Variants in MACROD1 observed in about 807,000 individuals in gnomAD.
MACROD1 encodes ADP-ribose glycohydrolase MACROD1.
In MACROD1, 31 loss-of-function variants were observed where a neutral mutation model predicts 41.4. The ratio of observed to expected loss-of-function variants is 0.75; its 90% CI spans 0.56 to 1.01. The LOEUF (loss-of-function observed/expected upper bound fraction) is 1.01, where lower values mean the gene tolerates loss of function less well. MACROD1 is among the 50% of genes least tolerant of loss of function. The probability of loss-of-function intolerance (pLI) is 0.00; values close to 1 mark genes in which losing one functional copy is unlikely to be tolerated. For synonymous variants in MACROD1, 252 were observed against 203.4 expected (o/e 1.24, Z -2.03); for missense variants, 473 against 460.0 (o/e 1.03, Z -0.26).
At chr11:64,016,152 C>G (rs947493200) in intron 3 of MACROD1, among the ~76,000 whole-genome samples, 17 of 151,950 alleles carry the variant, frequency 1.1e-4, no homozygotes, top group African/African-American at 4.1e-4. Context: ...CTGTCTCAGT[C>G]TGTCCGATCG....
chr11:64,003,575 C>T (rs1468719866), intron 4 of MACROD1, among the ~76,000 whole-genome samples: 1 of 152,184 alleles, frequency 6.6e-6, no homozygotes, highest in East Asian at 1.9e-4. Flanking sequence ...GTATGACTCA[C>T]CCCCCATGGC....
chr11:64,084,202 G>A (rs921264175), intron 3 of MACROD1, among the ~76,000 whole-genome samples: 1 of 152,046 alleles, frequency 6.6e-6, no homozygotes, highest in Non-Finnish European at 1.5e-5. Flanking sequence ...CCTCCTCTCA[G>A]CCCCCTCCCA....
chr11:64,096,997 G>A lies in MACROD1; in HGVS notation c.517+54242C>T, dbSNP rs146445673. 6.6e-6 allele frequency among the ~76,000 whole-genome samples: 1 copy of A among 152,222 alleles called. No individual in the cohort carries two copies. The highest frequency in any genetic ancestry group is 2.4e-5 in the African/African-American group (1 of 41,448). On this transcript the variant is annotated intron_variant, in intron 3 of 10. Transcript: ENST00000255681. The surrounding 1 kb of genome is among the most constrained non-coding windows in gnomAD (Gnocchi z 4.6). ...TTCCTGCCTACCCTTGCTGGGAGGA[G>A]ATTGCAAAGGCACAAGAGCACTCCA...
At chr11:64,016,982 CTTTT>C (rs1360249824) in intron 3 of MACROD1, among the ~76,000 whole-genome samples, 1 of 152,096 alleles carries the variant, frequency 6.6e-6, no homozygotes, top group African/African-American at 2.4e-5. Context: ...TTCTTTCTTT[CTTTT>C]TGAGATGGAG....
chr11:64,160,834 A>AG (rs57696454), intron 1 of MACROD1, among the ~76,000 whole-genome samples: 1 of 150,640 alleles, frequency 6.6e-6, no homozygotes, highest in East Asian at 1.9e-4. Context: ...AAAAAAAAAA[A>AG]TGTTCAGCAC....
At chr11:64,116,596 T>C (rs1204313148) in intron 3 of MACROD1, 1 of 1,613,970 alleles carries the variant, frequency 6.2e-7, no homozygotes, top group Non-Finnish European at 8.5e-7. Context: ...AACGTGCAGG[T>C]CATCTACCTA....
intron 3 of MACROD1, among the ~76,000 whole-genome samples, chr11:64,028,458 G>A (rs1943250158): frequency 6.6e-6 from 1 of 152,246 alleles, no homozygotes; most frequent in Non-Finnish European, 1.5e-5. Flanking sequence ...GGAAAACGGT[G>A]GAGGGAGGTG....
chr11:64,126,003 C>G (rs759782572), intron 3 of MACROD1, among the ~76,000 whole-genome samples: 1 of 152,158 alleles, frequency 6.6e-6, no homozygotes. Flanking sequence ...TGGAGCCAGG[C>G]GGCTCCAGGC....
intron 4 of MACROD1, among the ~76,000 whole-genome samples, chr11:64,003,343 G>A (rs1410905729): frequency 2.0e-5 from 3 of 152,080 alleles, no homozygotes; most frequent in Non-Finnish European, 2.9e-5. Context: ...TCAGCCTCCC[G>A]AGTAGCTGAG....
chr11:64,049,962 C>A (rs577141133), intron 3 of MACROD1, among the ~76,000 whole-genome samples: 6 of 152,298 alleles, frequency 3.9e-5, no homozygotes, highest in African/African-American at 1.4e-4. Context: ...CTTGGCCTAG[C>A]GATCGCACAG....
intron 3 of MACROD1, chr11:64,103,293 A>G (rs1320412087): frequency 1.3e-5 from 2 of 152,226 alleles, no homozygotes; most frequent in African/African-American, 4.8e-5. Flanking sequence ...CTCCCCAGCA[A>G]GGAAACCTCT....
At position 64,165,895 on chromosome 11, in the gene MACROD1, C is replaced by A; in HGVS notation, c.100G>T (p.Ala34Ser). Residue 34 changes from alanine to serine, a missense_variant, in exon 1 of 11, where the codon GCC (alanine) becomes TCC (serine). Transcript: ENST00000255681. ...PRPRPGHLAG[A>S]TRTRSSTCGP... ...CACGTGCTGCTGCGGGTCCTCGTGG[C>A]ACCCGCCAAGTGTCCGGGCCGGGGG... 1 of 1,386,464 alleles carries A rather than the reference C, an allele frequency of 7.2e-7. No individual in the cohort carries two copies. The highest frequency in any genetic ancestry group is 9.3e-7 in the Non-Finnish European group (1 of 1,075,532). 85.9% of individuals were successfully genotyped at this position (1,386,464 alleles called of 1,614,324 possible).
At chr11:64,128,683 AC>A (rs1179635514) in intron 3 of MACROD1, among the ~76,000 whole-genome samples, 3 of 142,204 alleles carry the variant, frequency 2.1e-5, no homozygotes, top group East Asian at 4.1e-4. Flanking sequence ...CACGCCTGAC[AC>A]CCCCCAGGCC....
chr11:64,095,188 GCTTT>G (rs1944555591), intron 3 of MACROD1, among the ~76,000 whole-genome samples: 1 of 152,178 alleles, frequency 6.6e-6, no homozygotes, highest in Admixed American at 6.5e-5. Flanking sequence ...TGGCTTGCTT[GCTTT>G]ATTTATTTAA....
In MACROD1 at chr11:64,096,716, C is replaced by T. The variant is rs1455870744; in HGVS notation, c.517+54523G>A. On this transcript the variant is annotated intron_variant, in intron 3 of 10. Coordinates refer to ENST00000255681, the MANE Select transcript of MACROD1 (RefSeq NM_014067.4). The surrounding 1 kb of genome is among the most constrained non-coding windows in gnomAD (Gnocchi z 4.6). ...ACAGGCATGAGCCACCGCACCCTAC[C>T]CTCTCCCCCTTTTGTGCCTAGAGTT... is the stretch of plus-strand genomic sequence containing the variant. Among the ~76,000 whole-genome samples, 1 of 152,198 alleles carries T rather than the reference C, an allele frequency of 6.6e-6. No homozygotes were observed. Among genetic ancestry groups the T allele is most frequent in the Non-Finnish European group, 1.5e-5 (1 of 68,028 alleles).
chr11:64,152,456 C>G lies in MACROD1; in HGVS notation c.299-63G>C. 2.4e-6 allele frequency: 3 copies of G among 1,273,672 alleles called. No individual in the cohort carries two copies. In the South Asian group the frequency reaches 3.6e-5, roughly 15 times the overall value. The allele number at this position is 1,273,672 out of a possible 1,614,324, so 78.9% of individuals were successfully genotyped here. A position where few individuals can be genotyped will look rare whatever the true frequency, so the allele number is the denominator to read the frequency against. On this transcript the variant is annotated intron_variant, in intron 1 of 10. Coordinates refer to ENST00000255681, the MANE Select transcript of MACROD1 (RefSeq NM_014067.4). The stretch of plus-strand genomic sequence containing the variant: ...GGAACGGGCCTGGGGCTTGCACCCC[C>G]ACATCTCCTTTCTTGCCTCATCCAA...
At chr11:64,043,787 C>T (rs1943533440) in intron 3 of MACROD1, among the ~76,000 whole-genome samples, 1 of 151,724 alleles carries the variant, frequency 6.6e-6, no homozygotes. Flanking sequence ...GTGATTGGAC[C>T]AAGGTCACGT....
intron 3 of MACROD1, among the ~76,000 whole-genome samples, chr11:64,043,987 A>C (rs537069917): frequency 6.6e-6 from 1 of 151,914 alleles, no homozygotes; most frequent in East Asian, 1.9e-4. Flanking sequence ...CTAATTTTTC[A>C]TATTTTTAGT....
Position 64,120,833 on chromosome 11 carries a change from TA to T in MACROD1, c.517+30405del, listed in dbSNP as rs2134634230. Among the ~76,000 whole-genome samples, 1 of 152,198 alleles carries T rather than the reference TA, an allele frequency of 6.6e-6. No homozygotes were observed. Among genetic ancestry groups the T allele is most frequent in the South Asian group, 2.1e-4 (1 of 4,818 alleles). ...AGAAGTCCCAGGTCTCTGCTGATTC[TA>T]AAATGAGACCACCCCTCCCTGAAGG... On this transcript the variant is annotated intron_variant, in intron 3 of 10. Coordinates refer to ENST00000255681, the MANE Select transcript of MACROD1 (RefSeq NM_014067.4). This position sits in a 1 kb window ranked among gnomAD's most constrained non-coding sequence, Gnocchi z 4.5.
Sources: gnomAD v4.1 joint callset for allele counts (sites outside exome capture counted in the v4.1 genomes callset) on GRCh38, gnomAD v4.1.1 for gene constraint, Gnocchi (gnomAD v3.1) non-coding constraint, MANE v1.5 for transcripts, NCBI Gene and HGNC (gene_info 2026-07-23, HGNC 2026-07-21) for gene names.